CCDC57: variants seen among roughly 807,000 people sequenced by gnomAD.
CCDC57 encodes coiled-coil domain containing 57.
A neutral mutation model predicts 118.9 loss-of-function variants in CCDC57; 118 were observed. The observed-to-expected ratio is 0.99, with a 90% CI of 0.86 to 1.16. The LOEUF (loss-of-function observed/expected upper bound fraction) is 1.16. Ranked by LOEUF, CCDC57 falls within the 50% of genes most tolerant of loss-of-function variation. The pLI is 0.00. For synonymous variants in CCDC57, 527 were observed against 532.9 expected (o/e 0.99, Z 0.15); for missense variants, 1,300 against 1,320.7 (o/e 0.98, Z 0.24).
At position 82,131,088 on chromosome 17, in the gene CCDC57, C is replaced by T. The variant is rs575104314; in HGVS notation, c.2578-2491G>A. On this transcript the variant is annotated intron_variant, in intron 17 of 19. Transcript: ENST00000665763. ...TCGGCCTCCCAAAGTGCTGGGATTA[C>T]AGGCATGAGCCACTGGGCCCAAATA... is the stretch of plus-strand genomic sequence containing the variant. Among the ~76,000 whole-genome samples the T allele has an allele frequency of 9.3e-5, 14 of 150,628 alleles. No individual in the cohort carries two copies. The South Asian group carries it at 1.5e-3, about 16-fold the overall frequency.
intron 19 of CCDC57, 82 bp from the exon 19 acceptor site, chr17:82,101,948 G>A: frequency 1.5e-6 from 2 of 1,337,102 alleles, no homozygotes; most frequent in South Asian, 3.2e-5. Context: ...CTGCACAGGT[G>A]CAGCACTTCC....
intron 19 of CCDC57, among the ~76,000 whole-genome samples, chr17:82,102,228 G>A (rs1283896262): frequency 4.6e-5 from 7 of 152,160 alleles, no homozygotes; most frequent in Non-Finnish European, 2.9e-5. Context: ...GGGTGCTGGG[G>A]TAAATGGTTG....
chr17:82,175,459 T>C (rs1353769243), intron 11 of CCDC57: 1 of 152,262 alleles, frequency 6.6e-6, no homozygotes, highest in Non-Finnish European at 1.5e-5. Flanking sequence ...CCTCCCATTC[T>C]ATTCAAAGTC....
chr17:82,169,859 A>AT (rs1336569064), intron 13 of CCDC57, among the ~76,000 whole-genome samples: 1 of 152,250 alleles, frequency 6.6e-6, no homozygotes, highest in African/African-American at 2.4e-5. Context: ...TTGTCTTGAA[A>AT]TTAAGACCTT....
At chr17:82,146,241 C>A (rs1015392268) in intron 16 of CCDC57, among the ~76,000 whole-genome samples, 1 of 152,192 alleles carries the variant, frequency 6.6e-6, no homozygotes, top group African/African-American at 2.4e-5. Flanking sequence ...TTTGTCACAG[C>A]TGGCCATTCT....
intron 15 of CCDC57, chr17:82,156,626 AACAGGT>A (rs1437613266): frequency 6.6e-6 from 1 of 152,246 alleles, no homozygotes; most frequent in Non-Finnish European, 1.5e-5. Context: ...CCTCCTTACC[AACAGGT>A]ACAGGGGCAG....
intron 9 of CCDC57, among the ~76,000 whole-genome samples, chr17:82,182,683 TA>T (rs1247014390): frequency 1.0e-4 from 15 of 147,546 alleles, no homozygotes; most frequent in Admixed American, 6.1e-4. Flanking sequence ...TTTTATTTTT[TA>T]TTTGTTTATT....
intron 19 of CCDC57, among the ~76,000 whole-genome samples, chr17:82,110,757 G>A (rs1340067750): frequency 6.6e-6 from 1 of 152,204 alleles, no homozygotes; most frequent in East Asian, 1.9e-4. Flanking sequence ...GGGCACGGTG[G>A]CTCGCGCCTG....
At chr17:82,168,133 T>C (rs2044223950) in intron 13 of CCDC57, among the ~76,000 whole-genome samples, 1 of 152,242 alleles carries the variant, frequency 6.6e-6, no homozygotes, top group African/African-American at 2.4e-5. Flanking sequence ...ATATTTTTAC[T>C]GAATGTATAA....
intron 11 of CCDC57, among the ~76,000 whole-genome samples, chr17:82,177,451 G>A (rs762129697): frequency 6.6e-6 from 1 of 152,146 alleles, no homozygotes; most frequent in Non-Finnish European, 1.5e-5. Context: ...CAGCTGAGAC[G>A]GGAGGATTGC....
intron 8 of CCDC57, among the ~76,000 whole-genome samples, chr17:82,186,348 G>A (rs1309775899): frequency 6.6e-6 from 1 of 152,068 alleles, no homozygotes; most frequent in Non-Finnish European, 1.5e-5. Flanking sequence ...TGCAACGGGG[G>A]GCCAAGGTTA....
chr17:82,204,834 AC>A (rs949624252), intron 2 of CCDC57, among the ~76,000 whole-genome samples: 1 of 151,928 alleles, frequency 6.6e-6, no homozygotes, highest in African/African-American at 2.4e-5. Flanking sequence ...GGACATCTGG[AC>A]CCCAGGCTCC....
Position 82,120,848 on chromosome 17 carries a change from C to A in CCDC57, c.2899+6844G>T, listed in dbSNP as rs76418287. Among the ~76,000 whole-genome samples, 11 of 152,176 alleles carry A rather than the reference C, an allele frequency of 7.2e-5. No homozygotes were observed. In the East Asian group the frequency reaches 1.9e-3, roughly 27 times the overall value. ...TCGGCTCACTGCAAGCTCCGCCTCTCGGGTTCACAGCACTCTCCTGCCTCA... is the reference window on the plus strand; with the variant it reads ...TCGGCTCACTGCAAGCTCCGCCTCTAGGGTTCACAGCACTCTCCTGCCTCA... On this transcript the variant is annotated intron_variant, in intron 19 of 19. Coordinates refer to ENST00000665763, the Ensembl canonical transcript of CCDC57.
chr17:82,198,026 C>T (rs558080883), intron 4 of CCDC57, among the ~76,000 whole-genome samples: 94 of 152,282 alleles, frequency 6.2e-4, no homozygotes, highest in Non-Finnish European at 1.0e-3. Flanking sequence ...CAATTTATCT[C>T]CTATATATCT....
At chr17:82,156,044 C>T (rs886294950) in intron 15 of CCDC57, 6 of 152,124 alleles carry the variant, frequency 3.9e-5, no homozygotes, top group African/African-American at 1.4e-4. Flanking sequence ...ACCTGTAATC[C>T]CACCACTTTG....
chr17:82,123,226 C>T (rs1307439217), intron 19 of CCDC57, among the ~76,000 whole-genome samples: 1 of 148,638 alleles, frequency 6.7e-6, no homozygotes, highest in Non-Finnish European at 1.5e-5. Context: ...CTCCTGGGCT[C>T]AAGTGATCCT....
chr17:82,139,544 T>C (rs1386050798), intron 16 of CCDC57, among the ~76,000 whole-genome samples: 1 of 152,114 alleles, frequency 6.6e-6, no homozygotes, highest in Non-Finnish European at 1.5e-5. Context: ...TTAGTAGAGA[T>C]GGTGCTTTGC....
chr17:82,181,265 G>A (rs1405664466), intron 9 of CCDC57, among the ~76,000 whole-genome samples: 1 of 152,240 alleles, frequency 6.6e-6, no homozygotes. Flanking sequence ...CAGCCAGCAC[G>A]GGGCTCCACG....
chr17:82,124,810 G>T (rs990209104), intron 19 of CCDC57, among the ~76,000 whole-genome samples: 1 of 142,706 alleles, frequency 7.0e-6, no homozygotes, highest in Admixed American at 7.0e-5. Context: ...AAGAGAAAAA[G>T]AAAAAAAAAA....
Sources: allele counts gnomAD v4.1 joint callset (sites outside exome capture counted in the v4.1 genomes callset), GRCh38; gene constraint gnomAD v4.1.1; transcripts MANE v1.5; gene names NCBI Gene and HGNC (gene_info 2026-07-23, HGNC 2026-07-21).